CNTNAP2: variants seen among roughly 807,000 people sequenced by gnomAD.
The protein encoded by CNTNAP2 is contactin-associated protein-like 2.
A neutral mutation model predicts 155.2 loss-of-function variants in CNTNAP2; 98 were observed. The ratio of observed to expected loss-of-function variants is 0.63; its 90% CI spans 0.54 to 0.75. The LOEUF (loss-of-function observed/expected upper bound fraction) is 0.75. CNTNAP2 is among the 30% of genes least tolerant of loss of function. The pLI is 0.00. For missense variants in CNTNAP2, 1,727 were observed against 1,688.1 expected (o/e 1.02, Z -0.40); for synonymous variants, 651 against 631.2 (o/e 1.03, Z -0.47).
At chr7:146,697,348 C>CTT (rs1800799540) in intron 1 of CNTNAP2, among the ~76,000 whole-genome samples, 1 of 152,018 alleles carries the variant, frequency 6.6e-6, no homozygotes, top group Non-Finnish European at 1.5e-5. Context: ...AACAATTCTC[C>CTT]CTGCTCAGCC....
intron 2 of CNTNAP2, among the ~76,000 whole-genome samples, chr7:146,805,014 T>C (rs770416765): frequency 1.6e-4 from 25 of 152,224 alleles, no homozygotes; most frequent in Non-Finnish European, 2.2e-4. Context: ...ACATTTATTT[T>C]AGTTGCTCTG....
At chr7:146,735,260 A>G (rs759460116) in intron 1 of CNTNAP2, among the ~76,000 whole-genome samples, 42 of 152,168 alleles carry the variant, frequency 2.8e-4, no homozygotes, top group Non-Finnish European at 5.3e-4. Context: ...GCTTTTAAAA[A>G]CTTAGTTTGT....
intron 13 of CNTNAP2, among the ~76,000 whole-genome samples, chr7:147,683,535 A>T (rs772425413): frequency 3.8e-4 from 58 of 151,794 alleles, no homozygotes; most frequent in Non-Finnish European, 7.5e-4. Flanking sequence ...ATTTGACTTA[A>T]CTTTATGTGT....
chr7:146,195,824 A>G (rs1366693469), intron 1 of CNTNAP2, among the ~76,000 whole-genome samples: 1 of 152,236 alleles, frequency 6.6e-6, no homozygotes, highest in Non-Finnish European at 1.5e-5. Context: ...TGATGTCAGC[A>G]TTTGAAAAGG....
At chr7:146,685,091 C>A (rs916721430) in intron 1 of CNTNAP2, among the ~76,000 whole-genome samples, 1 of 152,032 alleles carries the variant, frequency 6.6e-6, no homozygotes, top group Non-Finnish European at 1.5e-5. Flanking sequence ...CCATTATTTT[C>A]AACATTGTTC....
At chr7:147,428,032 C>T (rs1251955333) in intron 10 of CNTNAP2, among the ~76,000 whole-genome samples, 1 of 152,070 alleles carries the variant, frequency 6.6e-6, no homozygotes, top group Admixed American at 6.6e-5. Flanking sequence ...GTGAAAATTT[C>T]AGTTGCAAAG....
chr7:147,321,832 A>G (rs1795357217), intron 9 of CNTNAP2, among the ~76,000 whole-genome samples: 1 of 152,148 alleles, frequency 6.6e-6, no homozygotes, highest in African/African-American at 2.4e-5. Context: ...GCAATTCCAT[A>G]TGCTTTTTAG....
At chr7:148,271,493 G>A (rs1427485143) in intron 21 of CNTNAP2, among the ~76,000 whole-genome samples, 2 of 152,250 alleles carry the variant, frequency 1.3e-5, no homozygotes, top group African/African-American at 4.8e-5. Flanking sequence ...GCTACTCAGC[G>A]AGTCAGCGGT....
intron 2 of CNTNAP2, among the ~76,000 whole-genome samples, chr7:146,800,726 A>G (rs375601558): frequency 1.6e-4 from 24 of 152,314 alleles, no homozygotes; most frequent in Admixed American, 7.2e-4. Flanking sequence ...ATTCTCACAT[A>G]GAGTTTAAAT....
intron 13 of CNTNAP2, among the ~76,000 whole-genome samples, chr7:147,787,957 T>A (rs1222668137): frequency 6.6e-6 from 1 of 152,228 alleles, no homozygotes; most frequent in Non-Finnish European, 1.5e-5. Flanking sequence ...GCAGAGTTAC[T>A]TTTCTCAACT....
chr7:146,905,462 G>A (rs1178549734), intron 3 of CNTNAP2, among the ~76,000 whole-genome samples: 8 of 151,934 alleles, frequency 5.3e-5, no homozygotes, highest in African/African-American at 1.7e-4. Context: ...ATCCTCTTAC[G>A]AGTTGGTTCC....
intron 1 of CNTNAP2, among the ~76,000 whole-genome samples, chr7:146,287,468 A>G (rs1254295029): frequency 6.6e-6 from 1 of 152,312 alleles, no homozygotes; most frequent in East Asian, 1.9e-4. Context: ...AAGACATATT[A>G]TGATTTTTCT....
intron 1 of CNTNAP2, among the ~76,000 whole-genome samples, chr7:146,722,553 T>C (rs540628788): frequency 6.6e-6 from 1 of 151,992 alleles, no homozygotes; most frequent in East Asian, 1.9e-4. Flanking sequence ...GGCTGGTTGG[T>C]GAGATGAGAT....
intron 1 of CNTNAP2, among the ~76,000 whole-genome samples, chr7:146,364,642 T>C (rs1795130517): frequency 6.6e-6 from 1 of 152,198 alleles, no homozygotes; most frequent in Non-Finnish European, 1.5e-5. Context: ...CTACTATAAA[T>C]TCTCCTAGTG....
chr7:146,877,797 T>C (rs1188836076), intron 3 of CNTNAP2, among the ~76,000 whole-genome samples: 1 of 152,014 alleles, frequency 6.6e-6, no homozygotes, highest in Non-Finnish European at 1.5e-5. Flanking sequence ...TCACCTTCCA[T>C]GATAGTTTTT....
At chr7:147,299,232 C>T (rs1241732785) in intron 8 of CNTNAP2, among the ~76,000 whole-genome samples, 1 of 152,132 alleles carries the variant, frequency 6.6e-6, no homozygotes, top group Non-Finnish European at 1.5e-5. Flanking sequence ...TGTCCAGATG[C>T]TTATGTTTCC....
At chr7:146,319,069 G>C (rs1435220668) in intron 1 of CNTNAP2, among the ~76,000 whole-genome samples, 2 of 151,882 alleles carry the variant, frequency 1.3e-5, no homozygotes, top group Non-Finnish European at 2.9e-5. Context: ...TTTGAGCTCC[G>C]GCAACCTGGC....
At chr7:147,177,075 AT>A (rs1197621475) in intron 8 of CNTNAP2, among the ~76,000 whole-genome samples, 1 of 145,054 alleles carries the variant, frequency 6.9e-6, no homozygotes, top group Non-Finnish European at 1.5e-5. Context: ...ATACACACGT[AT>A]AATATAATAG....
chr7:148,052,379 A>G (rs1585098805), intron 15 of CNTNAP2, among the ~76,000 whole-genome samples: 1 of 147,418 alleles, frequency 6.8e-6, no homozygotes, highest in Non-Finnish European at 1.5e-5. Context: ...AAAAAAAAAG[A>G]TCCAGAATTG....
Sources: allele counts gnomAD v4.1 joint callset (sites outside exome capture counted in the v4.1 genomes callset), GRCh38; gene constraint gnomAD v4.1.1; transcripts MANE v1.5; gene names NCBI Gene and HGNC (gene_info 2026-07-23, HGNC 2026-07-21).